WASHC5: variants seen among roughly 807,000 people sequenced by gnomAD.
WASHC5 encodes WASH complex subunit strumpellin.
Under a neutral mutation model 150.4 loss-of-function variants are expected in WASHC5, and 101 were observed. The observed-to-expected ratio is 0.67, with a 90% confidence interval of 0.57 to 0.79. The LOEUF is 0.79. WASHC5 is among the 30% of genes least tolerant of loss of function. The pLI is 0.00. For synonymous variants in WASHC5, 467 were observed against 491.2 expected (o/e 0.95, Z 0.65); for missense variants, 1,195 against 1,396.3 (o/e 0.86, Z 2.30).
chr8:125,063,726 G>A (rs1816668885), intron 10 of WASHC5, 75 bp from the exon 11 acceptor site: 3 of 1,367,562 alleles, frequency 2.2e-6, no homozygotes, highest in Non-Finnish European at 3.1e-6. Context: ...GAGAGCTTGA[G>A]GAAACCCAAT....
chr8:125,029,047 T>G (rs1046697405), intron 27 of WASHC5, among the ~76,000 whole-genome samples: 8 of 145,116 alleles, frequency 5.5e-5, no homozygotes, highest in African/African-American at 8.3e-5. Flanking sequence ...TTTTTTTTTT[T>G]TGCGACAGAC....
chr8:125,061,164 G>T lies in WASHC5; in HGVS notation c.1439C>A (p.Ser480Ter). The change falls in exon 12 of 29, where the codon TCA becomes TAA. Residue 480 changes from serine to a stop codon, truncating the protein, a stop_gained. Coordinates refer to ENST00000318410, the MANE Select transcript of WASHC5 (RefSeq NM_014846.4). LOFTEE classifies it high-confidence loss of function. ...ENLQAWFREI[S>*]KQILSLNYDD... ...ATAATTTAAAGACAATATTTGTTTT[G>T]AGATCTCTCTGAACCAAGCTTGAAG... The T allele has an allele frequency of 6.2e-7, 1 of 1,609,898 alleles. No individual in the cohort carries two copies. The highest frequency in any genetic ancestry group is 1.1e-5 in the South Asian group (1 of 90,934).
intron 1 of WASHC5, among the ~76,000 whole-genome samples, chr8:125,085,477 A>T (rs1450919845): frequency 2.6e-5 from 4 of 152,224 alleles, no homozygotes; most frequent in African/African-American, 9.6e-5. Context: ...GCTGTCAAAG[A>T]GAGAACAGAG....
chr8:125,033,737 C>G (rs182633399), intron 26 of WASHC5, among the ~76,000 whole-genome samples: 11 of 152,046 alleles, frequency 7.2e-5, no homozygotes, highest in African/African-American at 2.6e-4. Flanking sequence ...TTAGTAGAGA[C>G]GGGTTTCACT....
chr8:125,067,934 G>A (rs1563627992), intron 9 of WASHC5, among the ~76,000 whole-genome samples: 1 of 152,188 alleles, frequency 6.6e-6, no homozygotes, highest in Non-Finnish European at 1.5e-5. Context: ...TGCCATCCTT[G>A]AAAGATTGTT....
At chr8:125,028,275 A>G (rs544194320) in intron 28 of WASHC5, among the ~76,000 whole-genome samples, 1 of 152,330 alleles carries the variant, frequency 6.6e-6, no homozygotes, top group East Asian at 1.9e-4. Flanking sequence ...AGGTCAGTGG[A>G]GAGAGAAAGA....
chr8:125,056,989 T>C lies in WASHC5; in HGVS notation c.1876-172A>G, dbSNP rs952079805. 2.5e-4 allele frequency among the ~76,000 whole-genome samples: 38 copies of C among 152,218 alleles called. No individual in the cohort carries two copies. Among genetic ancestry groups the C allele is most frequent in the Non-Finnish European group, 4.1e-4 (28 of 68,040 alleles). On this transcript the variant is annotated intron_variant, in intron 15 of 28. Coordinates refer to ENST00000318410, the MANE Select transcript of WASHC5 (RefSeq NM_014846.4). ...CTCCATTCCTTTAAACATTAATTGC[T>C]TACAGAATATAAAGCTAATCCTTCT... is the stretch of plus-strand genomic sequence containing the variant.
intron 1 of WASHC5, among the ~76,000 whole-genome samples, chr8:125,089,025 C>T (rs1817512528): frequency 6.6e-6 from 1 of 152,108 alleles, no homozygotes; most frequent in African/African-American, 2.4e-5. Context: ...TCTAGAACTC[C>T]CATGAAGGTA....
chr8:125,024,855 T>C (rs1028090746), intron 28 of WASHC5, among the ~76,000 whole-genome samples, 182 bp from the exon 29 acceptor site: 6 of 151,920 alleles, frequency 3.9e-5, no homozygotes, highest in Non-Finnish European at 1.5e-5. Flanking sequence ...TAGCGTCTCA[T>C]TTCTTGGCAC....
In WASHC5 at chr8:125,055,721, A is replaced by G. The variant is rs199588157; in HGVS notation, c.2017-50T>C. The G allele has an allele frequency of 1.1e-5, 12 of 1,096,050 alleles. No individual in the cohort carries two copies. The East Asian group carries it at 2.6e-4, about 24-fold the overall frequency. 67.9% of individuals were successfully genotyped at this position (1,096,050 alleles called of 1,614,324 possible). A position where few individuals can be genotyped will look rare whatever the true frequency, so the allele number is the denominator to read the frequency against. On this transcript the variant is annotated intron_variant, in intron 16 of 28. Coordinates refer to ENST00000318410, the MANE Select transcript of WASHC5 (RefSeq NM_014846.4). Reference sequence around the variant, plus strand: ...AAAAATCACTGTCTAATAGTCCTGGAATGAACAAAGATAACAGGAAAAGAA... The same window carrying G: ...AAAAATCACTGTCTAATAGTCCTGGGATGAACAAAGATAACAGGAAAAGAA...
In WASHC5 at chr8:125,024,275, T is replaced by C. The variant is rs1450269496; in HGVS notation, c.*342A>G. 3.7e-5 allele frequency: 13 copies of C among 347,900 alleles called. No individual in the cohort carries two copies. Among genetic ancestry groups the C allele is most frequent in the Non-Finnish European group, 7.0e-5 (13 of 184,398 alleles). 21.6% of individuals were successfully genotyped at this position (347,900 alleles called of 1,614,324 possible). On this transcript the variant is annotated 3_prime_UTR_variant, in exon 29 of 29. Coordinates refer to ENST00000318410, the MANE Select transcript of WASHC5 (RefSeq NM_014846.4). The stretch of plus-strand genomic sequence containing the variant: ...GCGAGACGACTTTGGGTACTAGTAA[T>C]ACTATTTTACTGAAAATCTGGAGTT...
Position 125,055,680 on chromosome 8 carries a change from A to G in WASHC5, c.2017-9T>C. 1 of 1,543,524 alleles carries G rather than the reference A, an allele frequency of 6.5e-7. No homozygotes were observed. Among genetic ancestry groups the G allele is most frequent in the East Asian group, 2.2e-5 (1 of 44,496 alleles). Reference sequence around the variant, plus strand: ...TGAGTAAGCTTGGCAACCTATAACAAAGAAAAAGAGGTATGAAAAATCACT... The same window carrying G: ...TGAGTAAGCTTGGCAACCTATAACAGAGAAAAAGAGGTATGAAAAATCACT... On this transcript the variant is annotated splice_polypyrimidine_tract_variant and intron_variant, in intron 16 of 28. Coordinates refer to ENST00000318410, the MANE Select transcript of WASHC5 (RefSeq NM_014846.4).
intron 6 of WASHC5, among the ~76,000 whole-genome samples, chr8:125,077,503 T>C (rs564475410): frequency 1.5e-4 from 22 of 151,578 alleles, no homozygotes; most frequent in South Asian, 8.4e-4. Context: ...GGACAGAGAG[T>C]GGGGTGGACA....
intron 28 of WASHC5, among the ~76,000 whole-genome samples, chr8:125,026,520 A>C (rs1815383433): frequency 6.6e-6 from 1 of 152,138 alleles, no homozygotes; most frequent in Non-Finnish European, 1.5e-5. Context: ...TATTTGCCTA[A>C]AATTTCGGCT....
Position 125,083,732 on chromosome 8 carries a change from A to C in WASHC5, c.167T>G (p.Phe56Cys). ...GATTACCTTAAAATAGCTGAAATCA[A>C]ATATGATATCTCCATATTTCTGTTG... The part of the protein sequence containing the change: ...ADQQKYGDII[F>C]DFSYFKGPEL... The change falls in exon 2 of 29, where the codon TTT becomes TGT. Residue 56 changes from phenylalanine (F) to cysteine (C), a missense_variant. Around this residue, in one of 3 missense-constraint regions of WASHC5, gnomAD observed 195 missense variants for 206.9 expected, o/e 0.94. Transcript: ENST00000318410. 2 of 1,612,962 alleles carry C rather than the reference A, an allele frequency of 1.2e-6. No homozygotes were observed. The highest frequency in any genetic ancestry group is 1.7e-6 in the Non-Finnish European group (2 of 1,179,094).
At chr8:125,066,081 T>G (rs1236362353) in intron 10 of WASHC5, among the ~76,000 whole-genome samples, 1 of 152,198 alleles carries the variant, frequency 6.6e-6, no homozygotes, top group East Asian at 1.9e-4. Flanking sequence ...AGGGACACAT[T>G]TTGTTCATAT....
intron 23 of WASHC5, among the ~76,000 whole-genome samples, chr8:125,041,325 T>C (rs899298710): frequency 6.6e-6 from 1 of 152,192 alleles, no homozygotes; most frequent in African/African-American, 2.4e-5. Flanking sequence ...ATAAATGCAT[T>C]TCCTCTGAGT....
chr8:125,034,351 T>C (rs552631981), intron 26 of WASHC5, among the ~76,000 whole-genome samples: 3 of 152,144 alleles, frequency 2.0e-5, no homozygotes, highest in African/African-American at 7.2e-5. Context: ...ATACAAAAAT[T>C]ACCCGAGCAT....
intron 1 of WASHC5, among the ~76,000 whole-genome samples, chr8:125,088,441 GA>G (rs1180057232): frequency 4.9e-5 from 7 of 142,930 alleles, no homozygotes; most frequent in Non-Finnish European, 8.9e-5. Flanking sequence ...AAAAAAGGGG[GA>G]GGGGGGGAAG....
Sources: gnomAD v4.1 joint callset for allele counts (sites outside exome capture counted in the v4.1 genomes callset) on GRCh38, gnomAD v4.1.1 for gene constraint, gnomAD v4.1.1 regional missense constraint, MANE v1.5 for transcripts, NCBI Gene and HGNC (gene_info 2026-07-23, HGNC 2026-07-21) for gene names.